Variants in KLHL14 observed in about 807,000 individuals in gnomAD.
The protein encoded by KLHL14 is kelch-like protein 14.
A neutral mutation model predicts 64.3 loss-of-function variants in KLHL14; 22 were observed. The ratio of observed to expected loss-of-function variants is 0.34; its 90% confidence interval spans 0.24 to 0.49. KLHL14 has a LOEUF of 0.49. KLHL14 is among the 20% of genes least tolerant of loss of function. The pLI, the probability that KLHL14 is intolerant of heterozygous loss-of-function variation, is 0.99. For missense variants in KLHL14, 661 were observed against 789.0 expected, an observed-to-expected ratio of 0.84 and a Z score of 1.94; for synonymous variants, 322 against 333.4, an observed-to-expected ratio of 0.97 and a Z score of 0.37.
At chr18:32,706,022 C>A (rs981270311) in intron 3 of KLHL14, among the ~76,000 whole-genome samples, 1 of 152,148 alleles carries the variant, frequency 6.6e-6, no homozygotes, top group African/African-American at 2.4e-5. Flanking sequence ...AACTTTGTTC[C>A]TTTTAGATAA....
chr18:32,693,411 C>CAGAGAGAGAGAGAGAGAG (rs1170904090), intron 4 of KLHL14, among the ~76,000 whole-genome samples: 6 of 113,014 alleles, frequency 5.3e-5, no homozygotes, highest in African/African-American at 2.4e-4. Context: ...CACACACACA[C>CAGAGAGAGAGAGAGAGAG]ACAGAGAGAG....
chr18:32,766,659 A>G (rs1023659808), intron 2 of KLHL14, among the ~76,000 whole-genome samples: 12 of 152,120 alleles, frequency 7.9e-5, no homozygotes, highest in African/African-American at 2.2e-4. Flanking sequence ...TTATGTGTGT[A>G]TTTGAATACA....
chr18:32,676,991 C>G (rs1263718866), intron 8 of KLHL14, among the ~76,000 whole-genome samples, 182 bp downstream of exon 8: 2 of 152,164 alleles, frequency 1.3e-5, no homozygotes, highest in East Asian at 3.9e-4. Context: ...TGTTGATCAG[C>G]TAGCAAGCCA....
At chr18:32,700,047 A>G (rs894264796) in intron 3 of KLHL14, among the ~76,000 whole-genome samples, 1 of 142,070 alleles carries the variant, frequency 7.0e-6, no homozygotes, top group Non-Finnish European at 1.6e-5. Context: ...GTTTGTATTC[A>G]TGAAGGCCTT....
rs67708920 is a variant in KLHL14 at position 32,714,887 on chromosome 18, C to CT, written c.1070-19336dup. On this transcript the variant is annotated intron_variant, in intron 3 of 8. Transcript: ENST00000359358. ...CCTCTCTTTTAAAACTCTGGTGGTC[C>CT]TTTTTTTTTTTTCTTTTGATGCAGA... is the stretch of plus-strand genomic sequence containing the variant. Among the ~76,000 whole-genome samples the CT allele has an allele frequency of 3.1e-3, 451 of 146,702 alleles. 12 individuals carry two copies. The highest frequency in any genetic ancestry group is 0.025 in the Admixed American group (364 of 14,774).
In KLHL14 at chr18:32,677,308, C is replaced by A; in HGVS notation, c.1611G>T (p.Met537Ile). Reference protein sequence around the residue: ...HLKGFSHLDVMLVECYDPKGD... With the variant: ...HLKGFSHLDVILVECYDPKGD... ...CTTTTGGGTCATAGCATTCCACAAGCATTACATCAAGGTGGGAGAAACCTA... is the reference window on the plus strand; with the variant it reads ...CTTTTGGGTCATAGCATTCCACAAGAATTACATCAAGGTGGGAGAAACCTA... The change falls in exon 8 of 9, where the codon ATG becomes ATT. Residue 537 changes from methionine (M) to isoleucine (I), a missense_variant. This residue lies in a region of KLHL14 where 330 missense variants were observed against 450.0 expected (regional missense o/e 0.73). Transcript: ENST00000359358. 1.2e-6 allele frequency: 2 copies of A among 1,612,716 alleles called. No individual in the cohort carries two copies. The highest frequency in any genetic ancestry group is 1.7e-6 in the Non-Finnish European group (2 of 1,179,322).
At chr18:32,737,005 G>C (rs1335945109) in intron 3 of KLHL14, among the ~76,000 whole-genome samples, 3 of 152,052 alleles carry the variant, frequency 2.0e-5, no homozygotes, top group Non-Finnish European at 4.4e-5. Flanking sequence ...ATCCAACACA[G>C]AGTGGGTATT....
intron 3 of KLHL14, among the ~76,000 whole-genome samples, chr18:32,731,409 C>T (rs1218134112): frequency 6.6e-6 from 1 of 152,076 alleles, no homozygotes; most frequent in Non-Finnish European, 1.5e-5. Context: ...ACTGCATGTT[C>T]TCTCTTATAA....
At chr18:32,705,114 G>A (rs1414250795) in intron 3 of KLHL14, among the ~76,000 whole-genome samples, 1 of 152,264 alleles carries the variant, frequency 6.6e-6, no homozygotes, top group Non-Finnish European at 1.5e-5. Context: ...CTTGGGCAAG[G>A]CCCTGTGATA....
intron 3 of KLHL14, among the ~76,000 whole-genome samples, chr18:32,730,059 C>CT (rs936794504): frequency 1.3e-5 from 2 of 152,182 alleles, no homozygotes; most frequent in Admixed American, 6.5e-5. Flanking sequence ...TATATCACTG[C>CT]TTTTTTGTAG....
At chr18:32,760,007 T>G (rs755939015) in intron 2 of KLHL14, among the ~76,000 whole-genome samples, 11 of 152,318 alleles carry the variant, frequency 7.2e-5, no homozygotes, top group Admixed American at 2.0e-4. Flanking sequence ...CTCACAGGTT[T>G]ACATTCCCTT....
chr18:32,685,732 T>G (rs531466251), intron 5 of KLHL14, among the ~76,000 whole-genome samples: 1 of 152,316 alleles, frequency 6.6e-6, no homozygotes, highest in East Asian at 1.9e-4. Context: ...TAGCTTTAGT[T>G]TTCTAAGGGA....
chr18:32,754,549 GA>G (rs2050272158), intron 2 of KLHL14, among the ~76,000 whole-genome samples: 1 of 152,328 alleles, frequency 6.6e-6, no homozygotes, highest in South Asian at 2.1e-4. Flanking sequence ...ACATTCTGAA[GA>G]AAGGAGTTCA....
At chr18:32,723,776 G>C (rs931991744) in intron 3 of KLHL14, among the ~76,000 whole-genome samples, 1 of 152,108 alleles carries the variant, frequency 6.6e-6, no homozygotes, top group African/African-American at 2.4e-5. Flanking sequence ...GGTTGGAGAG[G>C]GGGGTACACT....
At position 32,680,869 on chromosome 18, in the gene KLHL14, G is replaced by T. The variant is rs1023775264; in HGVS notation, c.1239-270C>A. The stretch of plus-strand genomic sequence containing the variant: ...TCTTTGTTTCAGCCCTTGTTATCTT[G>T]TTTTATACACTGTTAAGTGTTCATT... On this transcript the variant is annotated intron_variant, in intron 5 of 8. Transcript: ENST00000359358. The surrounding 1 kb of genome is among the most constrained non-coding windows in gnomAD (Gnocchi z 4.8). 6.6e-5 allele frequency among the ~76,000 whole-genome samples: 10 copies of T among 152,004 alleles called. 1 individual carries two copies. Among genetic ancestry groups the T allele is most frequent in the Admixed American group, 6.6e-4 (10 of 15,252 alleles).
Position 32,770,989 on chromosome 18 carries a change from C to T in KLHL14, c.-43-355G>A. ...GGCAGCAGCGACGGCAAAGTGGCGG[C>T]TGAGGCCGAGGCACCTCGTGGGCTC... On this transcript the variant is annotated intron_variant, in intron 1 of 8. Transcript: ENST00000359358. This position sits in a 1 kb window ranked among gnomAD's most constrained non-coding sequence, Gnocchi z 6.7. The T allele has an allele frequency of 2.4e-6, 1 of 420,962 alleles. No individual in the cohort carries two copies. The highest frequency in any genetic ancestry group is 4.7e-6 in the Non-Finnish European group (1 of 210,814). The allele number at this position is 420,962 out of a possible 1,614,324, so 26.1% of individuals were successfully genotyped here.
chr18:32,734,169 T>C, intron 3 of KLHL14: 2 of 702,900 alleles, frequency 2.8e-6, no homozygotes, highest in Admixed American at 2.0e-5. Context: ...TGTTTGAAAA[T>C]TCTCTGGTTT....
chr18:32,770,115 C>G lies in KLHL14; in HGVS notation c.477G>C (p.Ser159=), dbSNP rs145953799. ...GGGGGATGTGCAGGATCTTGCTGAC[C>G]GACAGCACCTCCTCCACCGTGTCCA... is the stretch of plus-strand genomic sequence containing the variant. ...LSLDTVEEVL[S]VSKILHIPQV... is the part of the protein sequence containing the mutation. Residue 159 remains serine, a synonymous_variant, in exon 2 of 9, where the codon TCG becomes TCC. Coordinates refer to ENST00000359358, the MANE Select transcript of KLHL14 (RefSeq NM_020805.3). The surrounding 1 kb of genome is among the most constrained non-coding windows in gnomAD (Gnocchi z 6.7). The G allele has an allele frequency of 6.2e-7, 1 of 1,614,150 alleles. No individual in the cohort carries two copies.
chr18:32,706,006 A>G (rs924274629), intron 3 of KLHL14, among the ~76,000 whole-genome samples: 19 of 152,334 alleles, frequency 1.2e-4, no homozygotes, highest in African/African-American at 4.6e-4. Context: ...CAGAACTGTG[A>G]GCAATAACTT....
Sources: gnomAD v4.1 joint callset for allele counts (sites outside exome capture counted in the v4.1 genomes callset) on GRCh38, gnomAD v4.1.1 for gene constraint, gnomAD v4.1.1 regional missense constraint, Gnocchi (gnomAD v3.1) non-coding constraint, MANE v1.5 for transcripts, NCBI Gene and HGNC (gene_info 2026-07-23, HGNC 2026-07-21) for gene names.